The following MCC variants were observed in gnomAD, a reference collection of about 807,000 sequenced individuals.
MCC encodes MCC regulator of Wnt signaling pathway.
MCC carries 90 observed loss-of-function variants against 116.2 expected under a neutral mutation model. The observed-to-expected ratio is 0.77, with a 90% CI of 0.65 to 0.92. The LOEUF (loss-of-function observed/expected upper bound fraction) is 0.92, where lower values mean the gene tolerates loss of function less well. Among genes scored for constraint, MCC ranks in the 40% least tolerant of loss-of-function variants. The pLI is 0.00. For missense variants in MCC, 1,516 were observed against 1,312.2 expected (o/e 1.16, Z -2.40); for synonymous variants, 578 against 510.5 (o/e 1.13, Z -1.78).
intron 3 of MCC, among the ~76,000 whole-genome samples, chr5:113,212,903 C>T (rs567941186): frequency 1.1e-4 from 16 of 152,368 alleles, no homozygotes; most frequent in African/African-American, 3.8e-4. Flanking sequence ...CTCCTGCCTA[C>T]TAATACCTTT....
intron 3 of MCC, among the ~76,000 whole-genome samples, chr5:113,275,250 T>C (rs1765779438): frequency 2.0e-5 from 3 of 152,234 alleles, no homozygotes; most frequent in African/African-American, 4.8e-5. Flanking sequence ...ATTGATTATA[T>C]GACACAGTTT....
chr5:113,374,157 G>C (rs1341099394), intron 2 of MCC, among the ~76,000 whole-genome samples: 1 of 151,666 alleles, frequency 6.6e-6, no homozygotes, highest in East Asian at 1.9e-4. Flanking sequence ...CCTCCCAAAG[G>C]CTGCGGTTAC....
intron 3 of MCC, among the ~76,000 whole-genome samples, chr5:113,200,378 C>G (rs1283380773): frequency 6.6e-6 from 1 of 152,190 alleles, no homozygotes; most frequent in African/African-American, 2.4e-5. Context: ...GACAGCAGCT[C>G]TGTGGGTCAA....
At chr5:113,073,189 C>T (rs188040525) in intron 11 of MCC, among the ~76,000 whole-genome samples, 3 of 151,974 alleles carry the variant, frequency 2.0e-5, no homozygotes, top group Admixed American at 1.3e-4. Context: ...AAAGATTGGA[C>T]ACCCCTGCAC....
At chr5:113,364,238 G>GAAAAAAAAAA (rs60976854) in intron 2 of MCC, among the ~76,000 whole-genome samples, 1 of 49,418 alleles carries the variant, frequency 2.0e-5, no homozygotes, top group African/African-American at 7.5e-5. Context: ...CTCAAAAACA[G>GAAAAAAAAAA]AAAAAAAAAA....
chr5:113,360,042 G>A (rs1768507375), intron 2 of MCC, among the ~76,000 whole-genome samples: 1 of 152,138 alleles, frequency 6.6e-6, no homozygotes, highest in Non-Finnish European at 1.5e-5. Context: ...GACTGTGAAT[G>A]GGGATGATGC....
At chr5:113,359,838 G>A (rs1768503503) in intron 2 of MCC, among the ~76,000 whole-genome samples, 1 of 152,054 alleles carries the variant, frequency 6.6e-6, no homozygotes, top group African/African-American at 2.4e-5. Flanking sequence ...CCCCTGAAGC[G>A]GGCTGGGGAG....
intron 2 of MCC, among the ~76,000 whole-genome samples, chr5:113,352,644 T>C (rs1184993895): frequency 6.6e-6 from 1 of 151,910 alleles, no homozygotes; most frequent in African/African-American, 2.4e-5. Flanking sequence ...ATTTCCTTTT[T>C]TTTCCCCCTG....
intron 5 of MCC, among the ~76,000 whole-genome samples, chr5:113,137,687 C>T (rs946355572): frequency 2.6e-5 from 4 of 151,998 alleles, no homozygotes; most frequent in South Asian, 2.1e-4. Flanking sequence ...CCCCTGTCTG[C>T]GTTTGGTATC....
At chr5:113,465,344 T>C (rs1771872449) in intron 1 of MCC, among the ~76,000 whole-genome samples, 1 of 152,132 alleles carries the variant, frequency 6.6e-6, no homozygotes, top group South Asian at 2.1e-4. Context: ...AAATTATGTT[T>C]TCTATCATGT....
Position 113,029,019 on chromosome 5 carries a change from T to C in MCC, c.2794A>G (p.Ser932Gly). 6.2e-7 allele frequency: 1 copy of C among 1,613,598 alleles called. No individual in the cohort carries two copies. Among genetic ancestry groups the C allele is most frequent in the Non-Finnish European group, 8.5e-7 (1 of 1,179,700 alleles). The stretch of plus-strand genomic sequence containing the variant: ...CTCTTGGTGAGTCTCTCCAAGGCAC[T>C]CACCAGCTCTTGAACTCTGGCCTTC... ...KLKARVQELV[S>G]ALERLTKSSE... The change falls in exon 18 of 19, where the codon AGT (serine) becomes GGT (glycine). Residue 932 changes from serine (S) to glycine (G), a missense_variant. Coordinates refer to ENST00000408903, the MANE Select transcript of MCC (RefSeq NM_001085377.2).
chr5:113,108,008 G>A (rs1021638444), intron 6 of MCC, among the ~76,000 whole-genome samples: 1 of 152,220 alleles, frequency 6.6e-6, no homozygotes, highest in South Asian at 2.1e-4. Flanking sequence ...GAAGTACAAG[G>A]CCACTGCCCC....
intron 3 of MCC, among the ~76,000 whole-genome samples, chr5:113,162,741 C>A (rs2150298388): frequency 6.6e-6 from 1 of 152,200 alleles, no homozygotes; most frequent in African/African-American, 2.4e-5. Context: ...TCAAGTGATT[C>A]TCCCACCTTA....
chr5:113,331,772 G>A (rs1456986753), intron 3 of MCC, among the ~76,000 whole-genome samples: 2 of 140,670 alleles, frequency 1.4e-5, no homozygotes, highest in African/African-American at 5.8e-5. Context: ...GAGTAGCTTC[G>A]AGTACAGGCA....
chr5:113,259,756 C>T (rs1172774527), intron 3 of MCC, among the ~76,000 whole-genome samples: 1 of 151,990 alleles, frequency 6.6e-6, no homozygotes, highest in Non-Finnish European at 1.5e-5. Flanking sequence ...TATTTATATA[C>T]TACTGCTCAA....
At chr5:113,324,661 A>G (rs1767506253) in intron 3 of MCC, among the ~76,000 whole-genome samples, 1 of 152,266 alleles carries the variant, frequency 6.6e-6, no homozygotes, top group African/African-American at 2.4e-5. Flanking sequence ...CACTACCTCT[A>G]TTTCTTTCTG....
intron 1 of MCC, among the ~76,000 whole-genome samples, chr5:113,402,307 A>C (rs1344791141): frequency 1.4e-5 from 2 of 143,848 alleles, no homozygotes; most frequent in Non-Finnish European, 1.6e-5. Context: ...AAAAAAAAAA[A>C]AAAACACACT....
At chr5:113,182,551 G>A (rs1023933486) in intron 3 of MCC, among the ~76,000 whole-genome samples, 1 of 151,832 alleles carries the variant, frequency 6.6e-6, no homozygotes, top group Non-Finnish European at 1.5e-5. Context: ...AGCCAATATC[G>A]TACCACTGCA....
Position 113,417,933 on chromosome 5 carries a change from C to CA in MCC, c.171-32722dup, listed in dbSNP as rs777245948. On this transcript the variant is annotated intron_variant, in intron 1 of 18. Transcript: ENST00000408903. The stretch of plus-strand genomic sequence containing the variant: ...GGGTGACAGAGTGAGACACTATTTC[C>CA]AAAAAAAAAAAAAAGTCATACAAAA... Among the ~76,000 whole-genome samples the CA allele has an allele frequency of 2.4e-3, 286 of 117,754 alleles. 1 individual carries two copies. The East Asian group carries it at 0.034, about 14-fold the overall frequency. The allele number at this position is 117,754 out of a possible 152,430, so 77.3% of individuals were successfully genotyped here.
Sources: allele counts gnomAD v4.1 joint callset (sites outside exome capture counted in the v4.1 genomes callset), GRCh38; gene constraint gnomAD v4.1.1; transcripts MANE v1.5; gene names NCBI Gene and HGNC (gene_info 2026-07-23, HGNC 2026-07-21).